C3: variants seen among roughly 807,000 people sequenced by gnomAD.
C3 encodes C3 and PZP-like alpha-2-macroglobulin domain-containing protein 1.
A neutral mutation model predicts 207.9 loss-of-function variants in C3; 97 were observed. The ratio of observed to expected loss-of-function variants is 0.47; its 90% CI spans 0.40 to 0.55. The LOEUF is 0.55. Among genes scored for constraint, C3 ranks in the 20% least tolerant of loss-of-function variants. C3 has a pLI of 0.00. For missense variants in C3, 1,684 were observed against 2,171.7 expected (o/e 0.78, Z 4.46); for synonymous variants, 848 against 857.6 (o/e 0.99, Z 0.20).
Position 6,696,573 on chromosome 19 carries a change from T to C in C3, c.2863+20A>G. 1 of 1,609,412 alleles carries C rather than the reference T, an allele frequency of 6.2e-7. No individual in the cohort carries two copies. On this transcript the variant is annotated intron_variant, in intron 22 of 40. Transcript: ENST00000245907. ...CTTACCCTGCCAGCCCCTCAGCCCC[T>C]CCCCCTGCAGCCGACTCACCACGGC...
In C3 at chr19:6,714,151, C is replaced by T. The variant is rs1568227056; in HGVS notation, c.682+15G>A. 1 of 1,613,162 alleles carries T rather than the reference C, an allele frequency of 6.2e-7. No individual in the cohort carries two copies. The highest frequency in any genetic ancestry group is 1.1e-5 in the South Asian group (1 of 91,054). ...GTTCTGGGCACTGACTCCCCCCAGCCCCTCCTCCTCTTACCGTACTCCTTC... is the reference window on the plus strand; with the variant it reads ...GTTCTGGGCACTGACTCCCCCCAGCTCCTCCTCCTCTTACCGTACTCCTTC... On this transcript the variant is annotated intron_variant, in intron 6 of 40. Transcript: ENST00000245907.
At chr19:6,684,367 C>T in intron 33 of C3, 21 bp downstream of exon 33, 1 of 1,607,018 alleles carries the variant, frequency 6.2e-7, no homozygotes, top group Non-Finnish European at 8.5e-7. Context: ...CAAGATGAAC[C>T]CCGGTGACCT....
rs775112459 is a variant in C3, at chr19:6,678,152, T to C, written c.4850A>G (p.Asn1617Ser). The C allele has an allele frequency of 1.4e-5, 22 of 1,614,188 alleles. No homozygotes were observed. The highest frequency in any genetic ancestry group is 1.9e-5 in the Non-Finnish European group (22 of 1,180,032). The stretch of plus-strand genomic sequence containing the variant: ...GCGCACGCGCAGGGAAAGCACTCAC[T>C]TGGGCTTCTCTCCCCAGAAATCGGA... ...LSSDFWGEKP[N>S]LSYIIGKDTW... The change falls in exon 40 of 41, where the codon AAC becomes AGC. Residue 1617 changes from asparagine to serine, a missense_variant and splice_region_variant. Physicochemically the swap from Asn to Ser is conservative, Grantham distance 46. Around this residue, in one of 3 missense-constraint regions of C3, gnomAD observed 346 missense variants for 380.1 expected, o/e 0.91. Transcript: ENST00000245907.
intron 33 of C3, 44 bp from the exon 34 acceptor site, chr19:6,682,273 C>A: frequency 6.7e-7 from 1 of 1,490,220 alleles, no homozygotes; most frequent in South Asian, 1.1e-5. Context: ...AAGGAGGGGT[C>A]AGCCCCAAGG....
intron 7 of C3, 183 bp from the exon 8 acceptor site, chr19:6,713,692 C>G: frequency 1.9e-6 from 1 of 536,570 alleles, no homozygotes; most frequent in Admixed American, 2.7e-5. Flanking sequence ...CTCCCACCCC[C>G]CACATGGTCC....
At chr19:6,686,595 C>A in intron 28 of C3, 151 bp downstream of exon 28, 2 of 889,712 alleles carry the variant, frequency 2.2e-6, no homozygotes, top group Non-Finnish European at 3.7e-6. Flanking sequence ...CAGGGTTATG[C>A]ATCCCAGCTT....
In C3 at chr19:6,719,052, A is replaced by G. The variant is rs1408540637; in HGVS notation, c.267+159T>C. ...CTCAGAAGGGGTGGAGTCTCAGAGA[A>G]GGGAGGGGCTTAGAAGGAGAGGCGA... On this transcript the variant is annotated intron_variant, in intron 2 of 40. Coordinates refer to ENST00000245907, the MANE Select transcript of C3 (RefSeq NM_000064.4). The surrounding 1 kb of genome is among the most constrained non-coding windows in gnomAD (Gnocchi z 5.4). Among the ~76,000 whole-genome samples the G allele has an allele frequency of 7.6e-6, 1 of 131,564 alleles. No homozygotes were observed. Among genetic ancestry groups the G allele is most frequent in the Non-Finnish European group, 1.6e-5 (1 of 63,302 alleles). The allele number at this position is 131,564 out of a possible 152,430, so 86.3% of individuals were successfully genotyped here.
intron 29 of C3, among the ~76,000 whole-genome samples, chr19:6,685,806 G>C (rs344548): frequency 0.8 from 121,230 of 152,024 alleles, 48,796 homozygotes; most frequent in East Asian, 0.92. Context: ...GTAAGATTGT[G>C]AGATAGAACT....
chr19:6,702,233 G>A (rs750904703), intron 18 of C3, 21 bp from the exon 19 acceptor site: 1 of 1,470,274 alleles, frequency 6.8e-7, no homozygotes, highest in Non-Finnish European at 9.5e-7. Flanking sequence ...AAGAGGTTGG[G>A]GTATTAGGAG....
Position 6,710,647 on chromosome 19 carries a change from C to T in C3, c.1678G>A (p.Val560Met), listed in dbSNP as rs1015875450. 8 of 1,612,700 alleles carry T rather than the reference C, an allele frequency of 5.0e-6. No individual in the cohort carries two copies. Among genetic ancestry groups the T allele is most frequent in the Non-Finnish European group, 6.8e-6 (8 of 1,179,614 alleles). ...GCCCAGGGCACACTTACCGAGCCCA[C>T]GCAGGAGTCCTTGACGTCCACCCAC... ...SVWVDVKDSCVGSLVVKSGQS... is the reference protein window; with the variant it reads ...SVWVDVKDSCMGSLVVKSGQS... The change falls in exon 13 of 41, where the codon GTG becomes ATG. Residue 560 changes from valine (V) to methionine (M), a missense_variant. This residue lies in a region of C3 where 1,280 missense variants were observed against 1,739.1 expected (regional missense o/e 0.74). Coordinates refer to ENST00000245907, the MANE Select transcript of C3 (RefSeq NM_000064.4).
intron 27 of C3, among the ~76,000 whole-genome samples, chr19:6,687,901 C>T (rs344539): frequency 2.0e-5 from 3 of 149,056 alleles, no homozygotes; most frequent in African/African-American, 4.9e-5. Flanking sequence ...CTGTCGCCCA[C>T]GCTGGAGTGC....
rs570654581 is a variant in C3 at position 6,688,568 on chromosome 19, G to A, written c.3490-1666C>T. The stretch of plus-strand genomic sequence containing the variant: ...GGAGTCTTGCTGTGTTGCCCAGGCT[G>A]GAGTGCAGTGGCGCAATCTCGGCTC... On this transcript the variant is annotated intron_variant, in intron 27 of 40. Transcript: ENST00000245907. Among the ~76,000 whole-genome samples the A allele has an allele frequency of 4.8e-4, 72 of 150,044 alleles. 1 individual carries two copies. The South Asian group carries it at 0.014, about 30-fold the overall frequency.
chr19:6,697,797 G>A lies in C3; in HGVS notation c.2441-3C>T. 1 of 1,612,014 alleles carries A rather than the reference G, an allele frequency of 6.2e-7. No homozygotes were observed. The highest frequency in any genetic ancestry group is 8.5e-7 in the Non-Finnish European group (1 of 1,179,452). On this transcript the variant is annotated splice_polypyrimidine_tract_variant and splice_region_variant and intron_variant, in intron 19 of 40. Coordinates refer to ENST00000245907, the MANE Select transcript of C3 (RefSeq NM_000064.4). ...GAAGGGGTCTGCCACACAGATCCCT[G>A]CTCGGGCAGAGACAGAACACGGAGT...
intron 9 of C3, among the ~76,000 whole-genome samples, chr19:6,712,973 G>T (rs189366347): frequency 6.6e-6 from 1 of 151,792 alleles, no homozygotes; most frequent in Non-Finnish European, 1.5e-5. Context: ...CATCAGCCCG[G>T]ACCCCACCTT....
intron 11 of C3, among the ~76,000 whole-genome samples, 196 bp from the exon 12 acceptor site, chr19:6,711,392 C>T (rs1967920454): frequency 6.6e-6 from 1 of 151,956 alleles, no homozygotes; most frequent in Non-Finnish European, 1.5e-5. Flanking sequence ...CTTTATTAAG[C>T]AGGGGCAGGG....
Position 6,686,109 on chromosome 19 carries a change from T to C in C3, c.3810+15A>G. The C allele has an allele frequency of 6.2e-7, 1 of 1,613,626 alleles. No individual in the cohort carries two copies. Among genetic ancestry groups the C allele is most frequent in the Non-Finnish European group, 8.5e-7 (1 of 1,179,750 alleles). ...GACAGGGATGCATGTGCCTAGGGGC[T>C]GTGGGCCCACTTGCCTGGGTAGAGC... On this transcript the variant is annotated intron_variant, in intron 29 of 40. Coordinates refer to ENST00000245907, the MANE Select transcript of C3 (RefSeq NM_000064.4).
At chr19:6,707,000 A>G (rs879091700) in intron 17 of C3, 76 bp downstream of exon 17, 2 of 240,920 alleles carry the variant, frequency 8.3e-6, no homozygotes, top group South Asian at 8.0e-5. Flanking sequence ...CAGACAGGGC[A>G]TCCTCCCTCC....
chr19:6,701,345 C>T (rs897582201), intron 19 of C3, among the ~76,000 whole-genome samples: 2 of 152,092 alleles, frequency 1.3e-5, no homozygotes, highest in Admixed American at 6.6e-5. Flanking sequence ...GTACCTACAG[C>T]CACAGAGCCT....
chr19:6,679,920 G>T (rs1917816670), intron 36 of C3, among the ~76,000 whole-genome samples: 1 of 151,630 alleles, frequency 6.6e-6, no homozygotes, highest in Non-Finnish European at 1.5e-5. Context: ...GGGACCTTCA[G>T]ATTACTAATC....
Sources: allele counts gnomAD v4.1 joint callset (sites outside exome capture counted in the v4.1 genomes callset), GRCh38; gene constraint gnomAD v4.1.1; regional missense constraint gnomAD v4.1.1; non-coding constraint Gnocchi (gnomAD v3.1); transcripts MANE v1.5; gene names NCBI Gene and HGNC (gene_info 2026-07-23, HGNC 2026-07-21).